ERP27: variants seen among roughly 807,000 people sequenced by gnomAD.
The protein encoded by ERP27 is endoplasmic reticulum resident protein 27.
Under a neutral mutation model 27.7 loss-of-function variants are expected in ERP27, and 23 were observed. The observed-to-expected ratio is 0.83, with a 90% CI of 0.60 to 1.18. ERP27 has a LOEUF of 1.18. ERP27 is among the 50% of genes most tolerant of loss of function. The pLI is 0.00. For missense variants in ERP27, 363 were observed against 327.9 expected (o/e 1.11, Z -0.83); for synonymous variants, 159 against 118.3 (o/e 1.34, Z -2.23).
At chr12:14,937,418 T>C (rs1863788494) in intron 2 of ERP27, among the ~76,000 whole-genome samples, 1 of 152,168 alleles carries the variant, frequency 6.6e-6, no homozygotes, top group South Asian at 2.1e-4. Context: ...GTTAACACCT[T>C]GAATATACAA....
In ERP27 at chr12:14,914,351, T is replaced by C. The variant is rs886743508; in HGVS notation, c.*384A>G. 3 of 194,860 alleles carry C rather than the reference T, an allele frequency of 1.5e-5. No individual in the cohort carries two copies. The highest frequency in any genetic ancestry group is 3.1e-5 in the Non-Finnish European group (3 of 95,502). 12.1% of individuals were successfully genotyped at this position (194,860 alleles called of 1,614,324 possible). A position where few individuals can be genotyped will look rare whatever the true frequency, so the allele number is the denominator to read the frequency against. On this transcript the variant is annotated 3_prime_UTR_variant, in exon 7 of 7. Coordinates refer to ENST00000266397, the MANE Select transcript of ERP27 (RefSeq NM_152321.4). Reference sequence around the variant, plus strand: ...TGCAGTATACAAACTTGATATTAAATGACAAATTGGAACAATCTTTCTCTA... The same window carrying C: ...TGCAGTATACAAACTTGATATTAAACGACAAATTGGAACAATCTTTCTCTA...
chr12:14,914,814 T>G, intron 6 of ERP27, 32 bp from the exon 7 acceptor site: 1 of 1,561,886 alleles, frequency 6.4e-7, no homozygotes, highest in Non-Finnish European at 8.8e-7. Flanking sequence ...ATATTTAGAT[T>G]AGTAAACTGA....
At chr12:14,934,709 T>C (rs955212011) in intron 3 of ERP27, 147 bp downstream of exon 3, 10 of 990,344 alleles carry the variant, frequency 1.0e-5, no homozygotes, top group African/African-American at 1.6e-5. Context: ...GAAGCTTGAA[T>C]TGAGTCATCA....
At chr12:14,934,692 T>C (rs1863748360) in intron 3 of ERP27, among the ~76,000 whole-genome samples, 164 bp downstream of exon 3, 1 of 152,216 alleles carries the variant, frequency 6.6e-6, no homozygotes, top group South Asian at 2.1e-4. Flanking sequence ...TTACAGTACC[T>C]GTTTGGGAAG....
rs140938286 is a variant in ERP27, at chr12:14,929,056, A to G, written c.333+5800T>C. 9.5e-4 allele frequency: 1,453 copies of G among 1,532,964 alleles called. 20 individuals carry two copies. In the East Asian group the frequency reaches 0.029, roughly 30 times the overall value. 95.0% of individuals were successfully genotyped at this position (1,532,964 alleles called of 1,614,324 possible). A position where few individuals can be genotyped will look rare whatever the true frequency, so the allele number is the denominator to read the frequency against. Reference sequence around the variant, plus strand: ...GACTCGTTTAACATTTGATGTGTCTAAATGCTTCCTGACTATTTTTCTAGG... The same window carrying G: ...GACTCGTTTAACATTTGATGTGTCTGAATGCTTCCTGACTATTTTTCTAGG... On this transcript the variant is annotated intron_variant, in intron 3 of 6. Coordinates refer to ENST00000266397, the MANE Select transcript of ERP27 (RefSeq NM_152321.4).
chr12:14,933,865 T>C (rs886784890), intron 3 of ERP27, among the ~76,000 whole-genome samples: 1 of 152,190 alleles, frequency 6.6e-6, no homozygotes, highest in Non-Finnish European at 1.5e-5. Context: ...AGACTCTTAA[T>C]ACTTCTCACA....
Position 14,917,288 on chromosome 12 carries a change from A to G in ERP27, c.466T>C (p.Phe156Leu). The G allele has an allele frequency of 6.2e-7, 1 of 1,614,178 alleles. No homozygotes were observed. The highest frequency in any genetic ancestry group is 1.3e-5 in the African/African-American group (1 of 75,050). Reference sequence around the variant, plus strand: ...AGATGAATCTGAATTACGCTGTTGAATAACCCAATCACAGTCTGGCAAGTC... The same window carrying G: ...AGATGAATCTGAATTACGCTGTTGAGTAACCCAATCACAGTCTGGCAAGTC... ...EYNPVTVIGL[F>L]NSVIQIHLLL... Residue 156 changes from phenylalanine to leucine, a missense_variant, in exon 5 of 7, where the codon TTC becomes CTC. Transcript: ENST00000266397.
chr12:14,929,156 C>G, intron 3 of ERP27: 2 of 1,401,982 alleles, frequency 1.4e-6, no homozygotes, highest in South Asian at 1.7e-5. Context: ...TCCCTGTACT[C>G]TTTTCCGGGC....
chr12:14,917,232 C>G lies in ERP27; in HGVS notation c.522G>C (p.Glu174Asp). The G allele has an allele frequency of 6.2e-7, 1 of 1,614,144 alleles. No homozygotes were observed. Among genetic ancestry groups the G allele is most frequent in the Non-Finnish European group, 8.5e-7 (1 of 1,180,024 alleles). The change falls in exon 5 of 7, where the codon GAG (glutamate) becomes GAC (aspartate). Residue 174 changes from glutamate (E) to aspartate (D), a missense_variant. By Grantham distance (45) the Glu-to-Asp change is conservative. Coordinates refer to ENST00000266397, the MANE Select transcript of ERP27 (RefSeq NM_152321.4). ...GGTATCTGTGCATGTTCTCTTCATA[C>G]TCTGGGGAGGCCTTGTTCATTATCA... ...LLLIMNKASP[E>D]YEENMHRYQK...
intron 3 of ERP27, among the ~76,000 whole-genome samples, chr12:14,925,181 C>T (rs554005012): frequency 7.1e-4 from 108 of 152,274 alleles, no homozygotes; most frequent in Non-Finnish European, 1.4e-3. Context: ...TTCTTTCTTT[C>T]GCAAGATCCA....
chr12:14,923,996 G>A (rs1179500482), intron 3 of ERP27, among the ~76,000 whole-genome samples: 1 of 151,822 alleles, frequency 6.6e-6, no homozygotes, highest in Non-Finnish European at 1.5e-5. Flanking sequence ...ATTTCTCCCT[G>A]TCCCCACTTC....
At chr12:14,933,117 A>T (rs1025370238) in intron 3 of ERP27, among the ~76,000 whole-genome samples, 1 of 152,206 alleles carries the variant, frequency 6.6e-6, no homozygotes, top group Admixed American at 6.5e-5. Flanking sequence ...TCATATATTC[A>T]TTCTAAACAA....
At position 14,914,579 on chromosome 12, in the gene ERP27, CGT is replaced by C. The variant is rs72336404; in HGVS notation, c.*154_*155del. The C allele has an allele frequency of 4.7e-5, 22 of 467,972 alleles. No homozygotes were observed. Among genetic ancestry groups the C allele is most frequent in the East Asian group, 1.5e-4 (4 of 26,060 alleles). The allele number at this position is 467,972 out of a possible 1,614,324, so 29.0% of individuals were successfully genotyped here. ...AGCTCTGTGTGTGTGTGTGTGTGTGCGTGTGTGTGTGCACGCGTGCGTGCGTG... is the reference window on the plus strand; with the variant it reads ...AGCTCTGTGTGTGTGTGTGTGTGTGCGTGTGTGTGCACGCGTGCGTGCGTG... On this transcript the variant is annotated 3_prime_UTR_variant, in exon 7 of 7. Transcript: ENST00000266397.
chr12:14,936,252 TTA>T, intron 2 of ERP27, among the ~76,000 whole-genome samples: 1 of 152,154 alleles, frequency 6.6e-6, no homozygotes, highest in Non-Finnish European at 1.5e-5. Context: ...TAACAAAAGT[TTA>T]TGCAGGTTAT....
chr12:14,938,351 G>T (rs1446636130), intron 1 of ERP27, 64 bp downstream of exon 1: 2 of 1,508,852 alleles, frequency 1.3e-6, no homozygotes, highest in African/African-American at 2.7e-5. Context: ...GAACCACCAT[G>T]CTCCCTTTCC....
Position 14,928,725 on chromosome 12 carries a change from A to C in ERP27, c.333+6131T>G, listed in dbSNP as rs182225123. On this transcript the variant is annotated intron_variant, in intron 3 of 6. Coordinates refer to ENST00000266397, the MANE Select transcript of ERP27 (RefSeq NM_152321.4). ...AAAAATGAACTCCTTGTGTATATTT[A>C]ATTGTTTAAAAATTCACAAAGTTTT... 1.6e-3 allele frequency among the ~76,000 whole-genome samples: 238 copies of C among 152,372 alleles called. 2 individuals are homozygous for C. The highest frequency in any genetic ancestry group is 5.4e-3 in the African/African-American group (225 of 41,590).
intron 3 of ERP27, among the ~76,000 whole-genome samples, chr12:14,927,026 GT>G (rs936629270): frequency 6.6e-6 from 1 of 152,090 alleles, no homozygotes; most frequent in Non-Finnish European, 1.5e-5. Flanking sequence ...TTTGAAGGCT[GT>G]TTTTGCTGGG....
Position 14,921,095 on chromosome 12 carries a change from A to T in ERP27, c.334-47T>A. On this transcript the variant is annotated intron_variant, in intron 3 of 6. Coordinates refer to ENST00000266397, the MANE Select transcript of ERP27 (RefSeq NM_152321.4). ...GAAGTCACTATTCCATCTTTTTTTC[A>T]TGTATTGATAAACGTCTTTAGACCC... The T allele has an allele frequency of 2.0e-6, 3 of 1,504,562 alleles. No individual in the cohort carries two copies. The South Asian group carries it at 3.4e-5, about 17-fold the overall frequency. The allele number at this position is 1,504,562 out of a possible 1,614,324, so 93.2% of individuals were successfully genotyped here.
intron 3 of ERP27, among the ~76,000 whole-genome samples, chr12:14,924,796 G>A (rs1863572435): frequency 6.6e-6 from 1 of 152,158 alleles, no homozygotes; most frequent in African/African-American, 2.4e-5. Flanking sequence ...TAAGTCACAG[G>A]ATGAAATAGC....
Sources: gnomAD v4.1 joint callset for allele counts (sites outside exome capture counted in the v4.1 genomes callset) on GRCh38, gnomAD v4.1.1 for gene constraint, MANE v1.5 for transcripts, NCBI Gene and HGNC (gene_info 2026-07-23, HGNC 2026-07-21) for gene names.